TENM2: variants seen among roughly 807,000 people sequenced by gnomAD.
The protein encoded by TENM2 is teneurin-2.
Under a neutral mutation model 245.2 loss-of-function variants are expected in TENM2, and 52 were observed. That is an observed-to-expected ratio of 0.21 (90% CI 0.17 to 0.27). TENM2 has a LOEUF of 0.27. Ranked by LOEUF, TENM2 falls within the 10% of genes least tolerant of loss-of-function variation. The probability of loss-of-function intolerance (pLI) is 1.00; values close to 1 mark genes in which losing one functional copy is unlikely to be tolerated. For missense variants in TENM2, 3,046 were observed against 3,666.8 expected (o/e 0.83, Z 4.37); for synonymous variants, 1,363 against 1,438.9 (o/e 0.95, Z 1.19).
the TENM2 span, among the ~76,000 whole-genome samples, chr5:167,099,149 G>T: frequency 3.3e-5 from 5 of 152,132 alleles, no homozygotes; most frequent in African/African-American, 1.2e-4. Flanking sequence ...TACTAGCTGT[G>T]TAACCCTGGC....
chr5:167,331,100 G>T (rs1757431891), intron 1 of TENM2, among the ~76,000 whole-genome samples: 1 of 151,840 alleles, frequency 6.6e-6, no homozygotes, highest in Non-Finnish European at 1.5e-5. Context: ...GCTGGGCATG[G>T]TGGCACGTGC....
chr5:168,261,678 C>G (rs755805414), intron 28 of TENM2, among the ~76,000 whole-genome samples: 2 of 152,236 alleles, frequency 1.3e-5, no homozygotes, highest in Non-Finnish European at 2.9e-5. Context: ...GCGGGCAAGG[C>G]AGTTGCCAAC....
At chr5:167,018,590 T>G in the TENM2 span, among the ~76,000 whole-genome samples, 4 of 152,322 alleles carry the variant, frequency 2.6e-5, no homozygotes, top group African/African-American at 7.2e-5. Context: ...CATTCATTTA[T>G]GTATCCACAT....
At chr5:168,256,672 G>A (rs571800514) in intron 27 of TENM2, among the ~76,000 whole-genome samples, 47 of 152,148 alleles carry the variant, frequency 3.1e-4, no homozygotes, top group African/African-American at 1.1e-3. Flanking sequence ...TGATCCACCC[G>A]CCTCGGCCTC....
the TENM2 span, among the ~76,000 whole-genome samples, chr5:167,181,546 C>T: frequency 1.4e-5 from 2 of 147,052 alleles, no homozygotes; most frequent in Admixed American, 6.9e-5. Flanking sequence ...TAGGTCAACA[C>T]ATATAACAGA....
chr5:167,357,790 G>A (rs989548058), intron 1 of TENM2, among the ~76,000 whole-genome samples: 5 of 151,974 alleles, frequency 3.3e-5, no homozygotes, highest in African/African-American at 4.8e-5. Flanking sequence ...GTACTAAAAC[G>A]CCTGGTCTAT....
At chr5:167,344,985 T>C (rs1399997089) in intron 1 of TENM2, among the ~76,000 whole-genome samples, 1 of 152,212 alleles carries the variant, frequency 6.6e-6, no homozygotes, top group Non-Finnish European at 1.5e-5. Flanking sequence ...GGAAAGGAAG[T>C]ACAGCCTCCT....
intron 2 of TENM2, among the ~76,000 whole-genome samples, chr5:167,658,982 T>TA (rs1183820622): frequency 6.6e-6 from 1 of 152,246 alleles, no homozygotes; most frequent in East Asian, 1.9e-4. Context: ...AAAGCCATTC[T>TA]ATACATGCAC....
At chr5:167,652,217 C>T (rs1754520279) in intron 2 of TENM2, among the ~76,000 whole-genome samples, 1 of 152,174 alleles carries the variant, frequency 6.6e-6, no homozygotes, top group Non-Finnish European at 1.5e-5. Flanking sequence ...ACCTTAAATG[C>T]ACTTTCTCTA....
intron 2 of TENM2, among the ~76,000 whole-genome samples, chr5:167,652,141 A>C (rs1754513349): frequency 6.6e-6 from 1 of 152,196 alleles, no homozygotes; most frequent in Admixed American, 6.5e-5. Context: ...ACCTTGATAA[A>C]CTAGACTATG....
exon 29 of TENM2, chr5:168,262,697 C>T (rs377065568): frequency 2.0e-5 from 32 of 1,610,248 alleles, no homozygotes; most frequent in African/African-American, 2.7e-5. Context: ...GAGCACCGGG[C>T]GCGTGCAAGG....
chr5:166,982,890 TG>T, the TENM2 span, among the ~76,000 whole-genome samples: 3 of 152,138 alleles, frequency 2.0e-5, no homozygotes, highest in Admixed American at 1.3e-4. Context: ...CATAATACTC[TG>T]CTTTAAGTTT....
chr5:167,562,936 A>G (rs2336893), intron 2 of TENM2, among the ~76,000 whole-genome samples: 88,248 of 147,308 alleles, frequency 0.6, 26,834 homozygotes, highest in East Asian at 0.7. Flanking sequence ...CAGCCTGGGC[A>G]ACAAGAGCGA....
chr5:168,073,309 T>G (rs897538817), intron 7 of TENM2, among the ~76,000 whole-genome samples: 2 of 152,124 alleles, frequency 1.3e-5, no homozygotes, highest in Non-Finnish European at 2.9e-5. Flanking sequence ...TGTGAGGGAT[T>G]TTAGGGCAGC....
At chr5:167,165,960 G>C in the TENM2 span, among the ~76,000 whole-genome samples, 5 of 152,084 alleles carry the variant, frequency 3.3e-5, no homozygotes, top group Non-Finnish European at 7.4e-5. Flanking sequence ...TCTGTCATTT[G>C]CTTGCTGCAA....
chr5:167,949,119 C>T (rs780631241), intron 3 of TENM2, among the ~76,000 whole-genome samples: 48 of 152,276 alleles, frequency 3.2e-4, no homozygotes, highest in Middle Eastern at 3.4e-3. Context: ...CCGAGTGAAA[C>T]TAGGAGTCAA....
intron 9 of TENM2, among the ~76,000 whole-genome samples, chr5:168,107,069 G>A (rs1374139738): frequency 6.6e-6 from 1 of 151,940 alleles, no homozygotes; most frequent in Non-Finnish European, 1.5e-5. Flanking sequence ...GAGAGAGAAA[G>A]AGAGAGAGAA....
At chr5:167,862,625 A>G (rs1190770921) in intron 2 of TENM2, among the ~76,000 whole-genome samples, 1 of 152,200 alleles carries the variant, frequency 6.6e-6, no homozygotes, top group African/African-American at 2.4e-5. Flanking sequence ...GCCTTGATGC[A>G]TAGTTTTCCC....
intron 3 of TENM2, among the ~76,000 whole-genome samples, chr5:167,907,569 A>ATATATATATATATG (rs1776209100): frequency 9.2e-6 from 1 of 108,258 alleles, no homozygotes; most frequent in African/African-American, 3.2e-5. Flanking sequence ...ATATATATAT[A>ATATATATATATATG]TATGTATGTA....
Sources: allele counts gnomAD v4.1 joint callset (sites outside exome capture counted in the v4.1 genomes callset), GRCh38; gene constraint gnomAD v4.1.1; transcripts MANE v1.5; gene names NCBI Gene and HGNC (gene_info 2026-07-23, HGNC 2026-07-21).